RERE: variants seen among roughly 807,000 people sequenced by gnomAD.
RERE encodes the protein arginine-glutamic acid dipeptide repeats protein.
A neutral mutation model predicts 146.1 loss-of-function variants in RERE; 40 were observed. That is an observed-to-expected ratio of 0.27 (90% CI 0.21 to 0.36). The LOEUF (loss-of-function observed/expected upper bound fraction) is 0.36. RERE is among the 10% of genes least tolerant of loss of function. RERE has a pLI of 1.00. For missense variants in RERE, 1,933 were observed against 2,138.7 expected, an observed-to-expected ratio of 0.90 and a Z score of 1.90; for synonymous variants, 1,003 against 866.0, an observed-to-expected ratio of 1.16 and a Z score of -2.78.
At position 8,356,139 on chromosome 1, in the gene RERE, G is replaced by A. The variant is rs757957761; in HGVS notation, c.4447C>T (p.Pro1483Ser). Residue 1483 changes from proline (P) to serine (S), a missense_variant, in exon 21 of 23, where the codon CCC becomes TCC. Physicochemically the swap from Pro to Ser is moderately conservative, Grantham distance 74 (BLOSUM62 -1). Transcript: ENST00000400908. This position sits in a 1 kb window ranked among gnomAD's most constrained non-coding sequence, Gnocchi z 5.2. ...GTLPNPLLGQ[P>S]PHEHEMLRHP... ...CGAAGCATCTCGTGCTCGTGTGGGG[G>A]CTGTCCAAGCAGAGGGTTGGGGAGA... 2.0e-6 allele frequency: 3 copies of A among 1,513,458 alleles called. No individual in the cohort carries two copies. The highest frequency in any genetic ancestry group is 1.7e-4 in the Middle Eastern group (1 of 5,754). 93.8% of individuals were successfully genotyped at this position (1,513,458 alleles called of 1,614,324 possible).
chr1:8,675,975 T>C (rs1427128844), intron 1 of RERE, among the ~76,000 whole-genome samples: 2 of 152,192 alleles, frequency 1.3e-5, no homozygotes, highest in Admixed American at 1.3e-4. Flanking sequence ...TTTTGAAGCA[T>C]TTCAGATATC....
chr1:8,642,035 G>A (rs74050264), intron 2 of RERE, among the ~76,000 whole-genome samples: 3,301 of 152,108 alleles, frequency 0.022, 128 homozygotes, highest in African/African-American at 0.076. Context: ...CAAAAGTATC[G>A]TATTAACATT....
At chr1:8,408,091 C>T (rs544097057) in intron 12 of RERE, among the ~76,000 whole-genome samples, 1 of 152,238 alleles carries the variant, frequency 6.6e-6, no homozygotes, top group African/African-American at 2.4e-5. Flanking sequence ...AGAGGGAGAA[C>T]ATAGCTTCCC....
intron 11 of RERE, among the ~76,000 whole-genome samples, chr1:8,427,380 T>C (rs192366517): frequency 4.6e-5 from 7 of 152,274 alleles, no homozygotes; most frequent in African/African-American, 1.7e-4. Flanking sequence ...CTTTCTGCTA[T>C]ATATATCCTC....
chr1:8,384,082 T>C (rs112709592), intron 12 of RERE, among the ~76,000 whole-genome samples: 1 of 152,194 alleles, frequency 6.6e-6, no homozygotes, highest in African/African-American at 2.4e-5. Flanking sequence ...GTGTTTCTGA[T>C]GCTGAGAAGA....
At chr1:8,683,913 G>C (rs1183731487) in intron 1 of RERE, among the ~76,000 whole-genome samples, 1 of 152,156 alleles carries the variant, frequency 6.6e-6, no homozygotes, top group Admixed American at 6.6e-5. Context: ...CTGCACTCCA[G>C]CCCAGGCAAC....
chr1:8,520,882 A>G (rs916109375), intron 7 of RERE, among the ~76,000 whole-genome samples: 4 of 152,042 alleles, frequency 2.6e-5, no homozygotes, highest in Admixed American at 6.5e-5. Context: ...CAAACTGTAT[A>G]ACAAAGCTGA....
chr1:8,508,484 G>A, intron 8 of RERE, 143 bp downstream of exon 8: 2 of 637,552 alleles, frequency 3.1e-6, no homozygotes, highest in Non-Finnish European at 2.8e-6. Context: ...GTGATCTGAG[G>A]AGGGTGGAAA....
At chr1:8,810,763 C>T (rs1486178506) in intron 1 of RERE, among the ~76,000 whole-genome samples, 1 of 152,036 alleles carries the variant, frequency 6.6e-6, no homozygotes, top group African/African-American at 2.4e-5. Flanking sequence ...AACAAAAACC[C>T]TCTATAGTAT....
At position 8,359,747 on chromosome 1, in the gene RERE, G is replaced by A. The variant is rs201579145; in HGVS notation, c.3618+17C>T. The stretch of plus-strand genomic sequence containing the variant: ...GGACCAGCGCCCCCCGTCACACCTC[G>A]CCAACCCTGGACTCACAGCCGCCCG... On this transcript the variant is annotated intron_variant, in intron 19 of 22. Transcript: ENST00000400908. 6.4e-5 allele frequency: 102 copies of A among 1,597,592 alleles called. No individual in the cohort carries two copies. In the East Asian group the frequency reaches 1.9e-3, roughly 30 times the overall value.
In RERE at chr1:8,361,231, G is replaced by C. The variant is rs765180603; in HGVS notation, c.2276C>G (p.Pro759Arg). Residue 759 changes from proline (P) to arginine (R), a missense_variant, in exon 18 of 23, where the codon CCT (proline) becomes CGT (arginine). Physicochemically the swap from Pro to Arg is moderately radical, Grantham distance 103. Transcript: ENST00000400908. ...CGTGGGCCCTGGCGTGGGCAGCTGA[G>C]GGGTCCCTGGAGGAGCTGAGGAGGG... ...PAPSSAPPGT[P>R]QLPTPGPTPS... The C allele has an allele frequency of 3.2e-6, 5 of 1,543,774 alleles. No individual in the cohort carries two copies. Among genetic ancestry groups the C allele is most frequent in the Non-Finnish European group, 3.5e-6 (4 of 1,148,934 alleles).
intron 4 of RERE, among the ~76,000 whole-genome samples, chr1:8,601,356 A>G (rs1019360798): frequency 6.6e-6 from 1 of 152,098 alleles, no homozygotes. Flanking sequence ...ATCAAACTAC[A>G]TCACTGAGAG....
At chr1:8,524,929 T>C (rs550809380) in intron 7 of RERE, among the ~76,000 whole-genome samples, 25 of 152,332 alleles carry the variant, frequency 1.6e-4, no homozygotes, top group African/African-American at 5.1e-4. Flanking sequence ...TTTAAGAGAA[T>C]AGAATTCCAA....
chr1:8,392,890 T>C (rs1026624444), intron 12 of RERE, among the ~76,000 whole-genome samples: 12 of 152,206 alleles, frequency 7.9e-5, no homozygotes, highest in African/African-American at 2.9e-4. Flanking sequence ...GAACACGATG[T>C]GCATTCTCTG....
chr1:8,546,957 C>CA (rs950662487), intron 6 of RERE, among the ~76,000 whole-genome samples: 1 of 150,602 alleles, frequency 6.6e-6, no homozygotes, highest in Non-Finnish European at 1.5e-5. Flanking sequence ...TCCTGAAAGA[C>CA]AAAAAAGGGG....
At chr1:8,755,565 C>T (rs1432059797) in intron 1 of RERE, among the ~76,000 whole-genome samples, 1 of 152,148 alleles carries the variant, frequency 6.6e-6, no homozygotes, top group Non-Finnish European at 1.5e-5. Context: ...GGACAATCCA[C>T]CTCTGGGGAG....
At chr1:8,768,566 AC>A in intron 1 of RERE, among the ~76,000 whole-genome samples, 1 of 152,190 alleles carries the variant, frequency 6.6e-6, no homozygotes, top group East Asian at 1.9e-4. Context: ...GAAGAACTTA[AC>A]TTTAAATTTT....
chr1:8,778,771 CA>C (rs1641113493), intron 1 of RERE, among the ~76,000 whole-genome samples: 1 of 151,048 alleles, frequency 6.6e-6, no homozygotes, highest in South Asian at 2.1e-4. Flanking sequence ...ACGAGGTGGA[CA>C]TTGCAGTGAG....
At chr1:8,743,569 C>G (rs1165010285) in intron 1 of RERE, among the ~76,000 whole-genome samples, 1 of 151,812 alleles carries the variant, frequency 6.6e-6, no homozygotes, top group Admixed American at 6.6e-5. Context: ...CCACACTTGG[C>G]CATTTTTAAA....
Sources: allele counts gnomAD v4.1 joint callset (sites outside exome capture counted in the v4.1 genomes callset), GRCh38; gene constraint gnomAD v4.1.1; non-coding constraint Gnocchi (gnomAD v3.1); transcripts MANE v1.5; gene names NCBI Gene and HGNC (gene_info 2026-07-23, HGNC 2026-07-21).